ALAS1: variants seen among roughly 807,000 people sequenced by gnomAD.
ALAS1 encodes the protein 5'-aminolevulinate synthase 1.
A neutral mutation model predicts 59.6 loss-of-function variants in ALAS1; 29 were observed. The ratio of observed to expected loss-of-function variants is 0.49; its 90% confidence interval spans 0.36 to 0.66. The LOEUF is 0.66. Among genes scored for constraint, ALAS1 ranks in the 30% least tolerant of loss-of-function variants. The probability of loss-of-function intolerance (pLI) is 0.00; values close to 1 mark genes in which losing one functional copy is unlikely to be tolerated. For missense variants in ALAS1, 690 were observed against 807.5 expected, an observed-to-expected ratio of 0.85 and a Z score of 1.76; for synonymous variants, 299 against 296.6, an observed-to-expected ratio of 1.01 and a Z score of -0.08.
chr3:52,214,218 A>G lies in ALAS1; in HGVS notation c.*38A>G, dbSNP rs1193715013. On this transcript the variant is annotated 3_prime_UTR_variant, in exon 12 of 12. Coordinates refer to ENST00000484952, the MANE Select transcript of ALAS1 (RefSeq NM_000688.6). The stretch of plus-strand genomic sequence containing the variant: ...TTATTTCACTTAACCCCAGGCCATT[A>G]TCATATCCAGATGGTCTTCAGAGTT... 1.3e-6 allele frequency: 2 copies of G among 1,538,402 alleles called. No individual in the cohort carries two copies. Among genetic ancestry groups the G allele is most frequent in the Non-Finnish European group, 1.8e-6 (2 of 1,126,464 alleles).
intron 9 of ALAS1, among the ~76,000 whole-genome samples, chr3:52,209,161 G>C (rs1225028227): frequency 6.6e-6 from 1 of 152,176 alleles, no homozygotes; most frequent in Admixed American, 6.5e-5. Context: ...ACCACTACCA[G>C]GAGAAAAACA....
At chr3:52,211,649 G>A (rs967435107) in intron 10 of ALAS1, 98 bp downstream of exon 10, 28 of 1,517,886 alleles carry the variant, frequency 1.8e-5, no homozygotes, top group African/African-American at 2.7e-5. Flanking sequence ...GGGCTTGAGC[G>A]GGGTGACTGC....
chr3:52,211,315 G>A lies in ALAS1; in HGVS notation c.1363G>A (p.Ala455Thr), dbSNP rs144316660. 1.5e-5 allele frequency: 25 copies of A among 1,613,978 alleles called. No homozygotes were observed. The highest frequency in any genetic ancestry group is 1.9e-5 in the Non-Finnish European group (22 of 1,180,026). ...CTTTGGTTGTGTTGGAGGGTACATC[G>A]CCAGCACGAGTTCTCTGATTGACAC... ...KAFGCVGGYI[A>T]STSSLIDTVR... Residue 455 changes from alanine (A) to threonine (T), a missense_variant, in exon 10 of 12, where the codon GCC becomes ACC. Coordinates refer to ENST00000484952, the MANE Select transcript of ALAS1 (RefSeq NM_000688.6).
In ALAS1 at chr3:52,212,241, G is replaced by T; in HGVS notation, c.1600-17G>T. On this transcript the variant is annotated splice_polypyrimidine_tract_variant and intron_variant, in intron 10 of 11. Transcript: ENST00000484952. Reference sequence around the variant, plus strand: ...CCTTCCTGTTGTGACCTTACCTTCTGCTCTCATTGAACTTAGGTTGCAGAT... The same window carrying T: ...CCTTCCTGTTGTGACCTTACCTTCTTCTCTCATTGAACTTAGGTTGCAGAT... 6.2e-7 allele frequency: 1 copy of T among 1,610,242 alleles called. No individual in the cohort carries two copies. Among genetic ancestry groups the T allele is most frequent in the Non-Finnish European group, 8.5e-7 (1 of 1,177,832 alleles).
At chr3:52,211,852 T>C (rs1314509699) in intron 10 of ALAS1, among the ~76,000 whole-genome samples, 3 of 152,240 alleles carry the variant, frequency 2.0e-5, no homozygotes, top group African/African-American at 2.4e-5. Flanking sequence ...CTTTGAAGTA[T>C]GGCTTTCTAC....
chr3:52,200,473 C>T (rs1699165170), intron 3 of ALAS1, among the ~76,000 whole-genome samples: 1 of 152,218 alleles, frequency 6.6e-6, no homozygotes, highest in African/African-American at 2.4e-5. Context: ...TGCAGTGGCT[C>T]ACTCCTGTAA....
At chr3:52,211,227 T>A in intron 9 of ALAS1, 56 bp from the exon 10 acceptor site, 1 of 1,587,486 alleles carries the variant, frequency 6.3e-7, no homozygotes, top group Non-Finnish European at 8.6e-7. Context: ...CCTTGCTGTG[T>A]CCATTTAGAG....
At position 52,212,330 on chromosome 3, in the gene ALAS1, A is replaced by G. The variant is rs144662414; in HGVS notation, c.1672A>G (p.Ile558Val). Residue 558 changes from isoleucine to valine, a missense_variant, in exon 11 of 12, where the codon ATC becomes GTC. Ile to Val is a conservative substitution (Grantham distance 29, BLOSUM62 3). Transcript: ENST00000484952. ...CAGACATAACATCTACGTGCAAGCA[A>G]TCAATTACCCTACGGTGCCCCGGGG... is the stretch of plus-strand genomic sequence containing the variant. ...MSRHNIYVQAINYPTVPRGEE... is the reference protein window; with the variant it reads ...MSRHNIYVQAVNYPTVPRGEE... 22 of 1,614,074 alleles carry G rather than the reference A, an allele frequency of 1.4e-5. No individual in the cohort carries two copies. The highest frequency in any genetic ancestry group is 1.7e-5 in the Non-Finnish European group (20 of 1,180,044).
chr3:52,207,992 G>T, intron 8 of ALAS1, 91 bp from the exon 9 acceptor site: 1 of 1,283,434 alleles, frequency 7.8e-7, no homozygotes, highest in South Asian at 1.9e-5. Flanking sequence ...TGATACCTTA[G>T]AATAGAAGTT....
In ALAS1 at chr3:52,204,915, T is replaced by C. The variant is rs144075472; in HGVS notation, c.800T>C (p.Met267Thr). 30 of 1,612,178 alleles carry C rather than the reference T, an allele frequency of 1.9e-5. No individual in the cohort carries two copies. Among genetic ancestry groups the C allele is most frequent in the Middle Eastern group, 3.3e-4 (2 of 6,082 alleles). ...SRHPRVCGAV[M>T]DTLKQHGAGA... ...CACCCACGGGTGTGTGGGGCAGTTA[T>C]GTAAGTAGCCCTTGGCTTTCAAATA... Residue 267 changes from methionine (M) to threonine (T), a missense_variant and splice_region_variant, in exon 6 of 12, where the codon ATG (methionine) becomes ACG (threonine). By Grantham distance (81) the Met-to-Thr change is moderately conservative. Transcript: ENST00000484952.
chr3:52,201,993 T>C (rs1196922452), intron 3 of ALAS1, among the ~76,000 whole-genome samples: 1 of 152,192 alleles, frequency 6.6e-6, no homozygotes. Flanking sequence ...AGTTAACTCT[T>C]CATAGACGCA....
At chr3:52,198,875 G>A in intron 2 of ALAS1, 27 bp downstream of exon 2, 1 of 1,535,412 alleles carries the variant, frequency 6.5e-7, no homozygotes, top group Non-Finnish European at 8.7e-7. Flanking sequence ...TATCTGCACT[G>A]TGCATCTCCC....
rs374159410 is a variant in ALAS1, at chr3:52,206,746, T to C, written c.1160T>C (p.Met387Thr). ...GTGGCATTTGAAACTGTCCATTCAA[T>C]GGATGGTAAGTGTGGATAGAGGTTC... Reference protein sequence around the residue: ...KIVAFETVHSMDGAVCPLEEL... With the variant: ...KIVAFETVHSTDGAVCPLEEL... Residue 387 changes from methionine to threonine, a missense_variant, in exon 8 of 12, where the codon ATG becomes ACG. By Grantham distance (81) the Met-to-Thr change is moderately conservative. Transcript: ENST00000484952. 77 of 1,613,970 alleles carry C rather than the reference T, an allele frequency of 4.8e-5. No individual in the cohort carries two copies. Among genetic ancestry groups the C allele is most frequent in the Non-Finnish European group, 6.2e-5 (73 of 1,179,972 alleles).
intron 8 of ALAS1, among the ~76,000 whole-genome samples, chr3:52,207,582 C>G (rs1047425975): frequency 6.6e-6 from 1 of 151,916 alleles, no homozygotes; most frequent in Non-Finnish European, 1.5e-5. Context: ...ATTTCATCAC[C>G]TAGGTAGTAA....
intron 2 of ALAS1, 46 bp downstream of exon 2, chr3:52,198,894 C>T: frequency 6.5e-7 from 1 of 1,530,358 alleles, no homozygotes; most frequent in Non-Finnish European, 8.8e-7. Context: ...CCTAAGAAAC[C>T]TCTGGCCTCC....
chr3:52,201,530 C>T (rs1699185130), intron 3 of ALAS1, among the ~76,000 whole-genome samples: 1 of 151,626 alleles, frequency 6.6e-6, no homozygotes, highest in African/African-American at 2.4e-5. Context: ...GGCGGGAGGA[C>T]TGCTTGAGCC....
rs765216172 is a variant in ALAS1 at position 52,204,756 on chromosome 3, A to G, written c.641A>G (p.His214Arg). 1.2e-6 allele frequency: 2 copies of G among 1,614,212 alleles called. No homozygotes were observed. Among genetic ancestry groups the G allele is most frequent in the Non-Finnish European group, 1.7e-6 (2 of 1,180,038 alleles). ...AAAATTGATGAGAAAAAGAATGACC[A>G]CACCTATCGAGTTTTTAAAACTGTG... is the stretch of plus-strand genomic sequence containing the variant. ...EKKIDEKKND[H>R]TYRVFKTVNR... is the part of the protein sequence containing the mutation. Residue 214 changes from histidine to arginine, a missense_variant, in exon 6 of 12, where the codon CAC becomes CGC. Transcript: ENST00000484952.
At chr3:52,212,207 A>G in intron 10 of ALAS1, 51 bp from the exon 11 acceptor site, 3 of 1,553,070 alleles carry the variant, frequency 1.9e-6, no homozygotes, top group Non-Finnish European at 2.6e-6. Flanking sequence ...ATCTCTGCTA[A>G]GAGGTAGTCC....
chr3:52,201,821 C>T (rs1699191388), intron 3 of ALAS1, among the ~76,000 whole-genome samples: 2 of 152,162 alleles, frequency 1.3e-5, no homozygotes, highest in Admixed American at 1.3e-4. Flanking sequence ...CGTTACCTTA[C>T]AGAGTGTGTC....
Sources: allele counts gnomAD v4.1 joint callset (sites outside exome capture counted in the v4.1 genomes callset), GRCh38; gene constraint gnomAD v4.1.1; transcripts MANE v1.5; gene names NCBI Gene and HGNC (gene_info 2026-07-23, HGNC 2026-07-21).